Variants in PCBP3 observed in about 807,000 individuals in gnomAD.
The protein encoded by PCBP3 is poly(rC) binding protein 3, also known as poly(rC)-binding protein 3.
PCBP3 carries 25 observed loss-of-function variants against 52.7 expected under a neutral mutation model. The ratio of observed to expected loss-of-function variants is 0.47; its 90% CI spans 0.35 to 0.66. The LOEUF (loss-of-function observed/expected upper bound fraction) is 0.66, where lower values mean the gene tolerates loss of function less well. Among genes scored for constraint, PCBP3 ranks in the 30% least tolerant of loss-of-function variants. The pLI, the probability that PCBP3 is intolerant of heterozygous loss-of-function variation, is 0.01. For synonymous variants in PCBP3, 162 were observed against 183.0 expected (o/e 0.89, Z 0.93); for missense variants, 391 against 490.3 (o/e 0.80, Z 1.91).
chr21:45,801,706 C>G (rs1246975450), intron 4 of PCBP3, among the ~76,000 whole-genome samples: 3 of 152,230 alleles, frequency 2.0e-5, no homozygotes, highest in African/African-American at 7.2e-5. Flanking sequence ...CTGCCTTTAG[C>G]TGCAGTATTC....
At chr21:45,795,871 A>G (rs539284720) in intron 4 of PCBP3, among the ~76,000 whole-genome samples, 2 of 152,388 alleles carry the variant, frequency 1.3e-5, no homozygotes, top group South Asian at 2.1e-4. Context: ...CTTGGGAAAC[A>G]GGAAAATAGA....
At chr21:45,938,430 C>T (rs540687441) in intron 16 of PCBP3, among the ~76,000 whole-genome samples, 126 of 152,334 alleles carry the variant, frequency 8.3e-4, no homozygotes, top group African/African-American at 2.3e-3. Context: ...CCATGCGGGC[C>T]GTGCTGCTGT....
chr21:45,914,019 T>C lies in PCBP3; in HGVS notation c.669T>C (p.Gly223=). 6.2e-6 allele frequency: 10 copies of C among 1,613,608 alleles called. No individual in the cohort carries two copies. The highest frequency in any genetic ancestry group is 8.5e-6 in the Non-Finnish European group (10 of 1,179,874). Residue 223 remains glycine, a synonymous_variant, in exon 12 of 18, where the codon GGT becomes GGC. Transcript: ENST00000681687. ...CCTCCACCCCTGTCATTTTTGCAGG[T>C]GGTCAGGTAAGAGCCGATCCGCTCG... ...KPASTPVIFA[G]GQAYTIQGQY... is the part of the protein sequence containing the mutation.
At chr21:45,729,001 T>C (rs1427025995) in intron 2 of PCBP3, among the ~76,000 whole-genome samples, 3 of 152,134 alleles carry the variant, frequency 2.0e-5, no homozygotes, top group African/African-American at 7.2e-5. Context: ...CAGTACCCAG[T>C]TTCAAGACTT....
chr21:45,899,173 A>C (rs1180476479), intron 6 of PCBP3, among the ~76,000 whole-genome samples: 1 of 152,258 alleles, frequency 6.6e-6, no homozygotes, highest in Non-Finnish European at 1.5e-5. Context: ...CTGCCGTTGG[A>C]ATAGGAGTCA....
chr21:45,893,984 C>T (rs11702025), intron 5 of PCBP3: 177,553 of 985,232 alleles, frequency 0.18, 17,163 homozygotes, highest in East Asian at 0.37. Flanking sequence ...GAGGTGGCAG[C>T]AAGGCCAGGG....
At chr21:45,887,657 G>A (rs2095553178) in intron 5 of PCBP3, among the ~76,000 whole-genome samples, 1 of 152,230 alleles carries the variant, frequency 6.6e-6, no homozygotes, top group Non-Finnish European at 1.5e-5. Flanking sequence ...AAACAGCGTC[G>A]CCATTCCGGG....
chr21:45,666,223 A>C (rs1346190053), intron 1 of PCBP3, among the ~76,000 whole-genome samples: 4 of 152,180 alleles, frequency 2.6e-5, no homozygotes, highest in Non-Finnish European at 5.9e-5. Flanking sequence ...AAGGATGTCC[A>C]TTTTCACCAC....
At chr21:45,868,064 G>C (rs974353275) in intron 5 of PCBP3, among the ~76,000 whole-genome samples, 1 of 152,284 alleles carries the variant, frequency 6.6e-6, no homozygotes, top group Non-Finnish European at 1.5e-5. Context: ...GGCCCGTCCG[G>C]AATTAGTGGC....
intron 4 of PCBP3, among the ~76,000 whole-genome samples, chr21:45,787,460 C>G (rs1435150498): frequency 6.6e-6 from 1 of 151,814 alleles, no homozygotes; most frequent in Non-Finnish European, 1.5e-5. Flanking sequence ...GTTGCCCATG[C>G]TGGTCTCAAA....
At chr21:45,811,066 AT>A (rs113265660) in intron 4 of PCBP3, among the ~76,000 whole-genome samples, 3 of 151,580 alleles carry the variant, frequency 2.0e-5, no homozygotes, top group Non-Finnish European at 2.9e-5. Flanking sequence ...GTGTTTTTCC[AT>A]TTTTTTGTAT....
Position 45,909,338 on chromosome 21 carries a change from A to G in PCBP3, c.340-17A>G. The G allele has an allele frequency of 6.2e-7, 1 of 1,608,812 alleles. No homozygotes were observed. Among genetic ancestry groups the G allele is most frequent in the Non-Finnish European group, 8.5e-7 (1 of 1,177,792 alleles). ...ACGACGCCTGAAGTGCTGCCAACAC[A>G]CGTGTCTCTCCCCTAGGATATCATC... On this transcript the variant is annotated splice_polypyrimidine_tract_variant and intron_variant, in intron 9 of 17. Coordinates refer to ENST00000681687, the MANE Select transcript of PCBP3 (RefSeq NM_001384156.1).
In PCBP3 at chr21:45,880,139, C is replaced by T. The variant is rs1032361011; in HGVS notation, c.11-16069C>T. 1.3e-5 allele frequency among the ~76,000 whole-genome samples: 2 copies of T among 152,234 alleles called. No homozygotes were observed. The highest frequency in any genetic ancestry group is 2.9e-5 in the Non-Finnish European group (2 of 68,044). ...CTCTGCATCCTTTTTATTGACAAGACGTTCCTGTCGTGAGTGGTTTTCCTC... is the reference window on the plus strand; with the variant it reads ...CTCTGCATCCTTTTTATTGACAAGATGTTCCTGTCGTGAGTGGTTTTCCTC... On this transcript the variant is annotated intron_variant, in intron 5 of 17. Coordinates refer to ENST00000681687, the MANE Select transcript of PCBP3 (RefSeq NM_001384156.1). This position sits in a 1 kb window ranked among gnomAD's most constrained non-coding sequence, Gnocchi z 5.4.
At chr21:45,804,209 C>T (rs188886936) in intron 4 of PCBP3, among the ~76,000 whole-genome samples, 219 of 152,306 alleles carry the variant, frequency 1.4e-3, no homozygotes, top group Non-Finnish European at 2.3e-3. Context: ...TCCTGTGCAC[C>T]GGGCTTTGTG....
intron 5 of PCBP3, among the ~76,000 whole-genome samples, chr21:45,883,829 A>G (rs2095457146): frequency 6.6e-6 from 1 of 152,094 alleles, no homozygotes; most frequent in African/African-American, 2.4e-5. Flanking sequence ...TTTTAAATCC[A>G]CTCTGCCCAT....
chr21:45,744,563 G>A (rs1464136663), intron 3 of PCBP3, among the ~76,000 whole-genome samples: 1 of 151,898 alleles, frequency 6.6e-6, no homozygotes, highest in African/African-American at 2.4e-5. Flanking sequence ...CAGCATTTTA[G>A]TCACATTTGT....
At chr21:45,793,363 G>A (rs534870543) in intron 4 of PCBP3, among the ~76,000 whole-genome samples, 4 of 152,072 alleles carry the variant, frequency 2.6e-5, no homozygotes, top group Non-Finnish European at 5.9e-5. Flanking sequence ...AGCACAGACC[G>A]AGGACCAGCG....
At chr21:45,842,000 C>T (rs1168959093) in intron 4 of PCBP3, among the ~76,000 whole-genome samples, 1 of 152,220 alleles carries the variant, frequency 6.6e-6, no homozygotes, top group African/African-American at 2.4e-5. Flanking sequence ...TGGGGCTCAC[C>T]TCCTCTGGAT....
At chr21:45,777,415 T>A (rs1474920853) in intron 4 of PCBP3, among the ~76,000 whole-genome samples, 1 of 152,190 alleles carries the variant, frequency 6.6e-6, no homozygotes, top group African/African-American at 2.4e-5. Flanking sequence ...TTGCATTGCG[T>A]CTGCCTGGGA....
Sources: gnomAD v4.1 joint callset for allele counts (sites outside exome capture counted in the v4.1 genomes callset) on GRCh38, gnomAD v4.1.1 for gene constraint, Gnocchi (gnomAD v3.1) non-coding constraint, MANE v1.5 for transcripts, NCBI Gene and HGNC (gene_info 2026-07-23, HGNC 2026-07-21) for gene names.